The following PNPLA6 variants were observed in gnomAD, a reference collection of about 807,000 sequenced individuals.
The protein encoded by PNPLA6 is patatin-like phospholipase domain-containing protein 6.
A neutral mutation model predicts 153.7 loss-of-function variants in PNPLA6; 105 were observed. The ratio of observed to expected loss-of-function variants is 0.68; its 90% CI spans 0.58 to 0.80. The LOEUF (loss-of-function observed/expected upper bound fraction) is 0.80, where lower values mean the gene tolerates loss of function less well. PNPLA6 is among the 30% of genes least tolerant of loss of function. The pLI is 0.00. For synonymous variants in PNPLA6, 825 were observed against 822.2 expected (o/e 1.00, Z -0.06); for missense variants, 1,423 against 1,919.3 (o/e 0.74, Z 4.83).
intron 27 of PNPLA6, among the ~76,000 whole-genome samples, chr19:7,558,474 A>G (rs111681823): frequency 1.3e-5 from 2 of 152,318 alleles, no homozygotes; most frequent in African/African-American, 4.8e-5. Flanking sequence ...TCTACTAAAA[A>G]TACAAAAATT....
chr19:7,551,288 C>T (rs2023639215), intron 17 of PNPLA6, 74 bp from the exon 18 acceptor site: 2 of 1,459,058 alleles, frequency 1.4e-6, no homozygotes, highest in South Asian at 1.1e-5. Context: ...GGAGCCCCGG[C>T]ATAGGAGGGA....
Position 7,555,881 on chromosome 19 carries a change from C to G in PNPLA6, c.3093+118C>G. The G allele has an allele frequency of 9.3e-7, 1 of 1,078,720 alleles. No individual in the cohort carries two copies. The highest frequency in any genetic ancestry group is 2.5e-5 in the East Asian group (1 of 40,476). 66.8% of individuals were successfully genotyped at this position (1,078,720 alleles called of 1,614,324 possible). ...TCAGGGTGACCCTTCCTGATTAAAT[C>G]TATGATCCCCAGCTGTCCGGACTTT... On this transcript the variant is annotated intron_variant, in intron 24 of 31. Coordinates refer to ENST00000600737, the MANE Select transcript of PNPLA6 (RefSeq NM_001166114.2). The surrounding 1 kb of genome is among the most constrained non-coding windows in gnomAD (Gnocchi z 6.3).
rs2146087993 is a variant in PNPLA6, at chr19:7,550,445, C to T, written c.1946+16C>T. On this transcript the variant is annotated intron_variant, in intron 15 of 31. Coordinates refer to ENST00000600737, the MANE Select transcript of PNPLA6 (RefSeq NM_001166114.2). ...CGCTGTACAGGTGCAGCTCCCACCG[C>T]GCTGCTCAGGCCCGGCCTAGGGGTG... is the stretch of plus-strand genomic sequence containing the variant. 4 of 1,611,720 alleles carry T rather than the reference C, an allele frequency of 2.5e-6. No individual in the cohort carries two copies. Among genetic ancestry groups the T allele is most frequent in the South Asian group, 2.2e-5 (2 of 91,052 alleles).
chr19:7,558,596 C>T (rs960479643), intron 27 of PNPLA6, among the ~76,000 whole-genome samples: 8 of 152,202 alleles, frequency 5.3e-5, no homozygotes, highest in Non-Finnish European at 2.9e-5. Flanking sequence ...CGTGCCATTG[C>T]ACTCCAGCCT....
chr19:7,555,711 C>G lies in PNPLA6; in HGVS notation c.3041C>G (p.Ala1014Gly). ...GGCTCTTTCATCGGAGCGTTGTACG[C>G]GGAGGAGCGCAGCGCCAGCCGCACG... ...SIGSFIGALY[A>G]EERSASRTKQ... Residue 1014 changes from alanine to glycine, a missense_variant, in exon 24 of 32, where the codon GCG becomes GGG. Physicochemically the swap from Ala to Gly is moderately conservative, Grantham distance 60. Transcript: ENST00000600737. The surrounding 1 kb of genome is among the most constrained non-coding windows in gnomAD (Gnocchi z 6.3). 1 of 1,613,780 alleles carries G rather than the reference C, an allele frequency of 6.2e-7. No individual in the cohort carries two copies.
In PNPLA6 at chr19:7,540,285, C is replaced by G. The variant is rs1398640691; in HGVS notation, c.691C>G (p.Leu231Val). The G allele has an allele frequency of 6.2e-7, 1 of 1,606,754 alleles. No homozygotes were observed. The highest frequency in any genetic ancestry group is 8.5e-7 in the Non-Finnish European group (1 of 1,179,048). The change falls in exon 5 of 32, where the codon CTG (leucine) becomes GTG (valine). Residue 231 changes from leucine to valine, a missense_variant. Coordinates refer to ENST00000600737, the MANE Select transcript of PNPLA6 (RefSeq NM_001166114.2). The surrounding 1 kb of genome is among the most constrained non-coding windows in gnomAD (Gnocchi z 6.8). ...CATCTACGTGGTGCAGGACGGGCTG[C>G]TGGAGCTCTGTCTGCCAGGGCCTGT... ...ASIYVVQDGLLELCLPGPDGK... is the reference protein window; with the variant it reads ...ASIYVVQDGLVELCLPGPDGK...
rs2023596788 is a variant in PNPLA6, at chr19:7,550,508, C to T, written c.1947-9C>T. On this transcript the variant is annotated splice_polypyrimidine_tract_variant and intron_variant, in intron 15 of 31. Transcript: ENST00000600737. Reference sequence around the variant, plus strand: ...TGGTCAGACCTTGCTGACCTCCACGCCCACTCAGGCAGGGCGACCGCTCCG... The same window carrying T: ...TGGTCAGACCTTGCTGACCTCCACGTCCACTCAGGCAGGGCGACCGCTCCG... 6.2e-7 allele frequency: 1 copy of T among 1,612,884 alleles called. No individual in the cohort carries two copies. Among genetic ancestry groups the T allele is most frequent in the African/African-American group, 1.3e-5 (1 of 74,942 alleles).
At chr19:7,547,095 C>T (rs544066607) in intron 13 of PNPLA6, among the ~76,000 whole-genome samples, 14 of 151,888 alleles carry the variant, frequency 9.2e-5, no homozygotes, top group South Asian at 8.3e-4. Flanking sequence ...AGTAGAAACA[C>T]GGTTTCACCA....
intron 17 of PNPLA6, 39 bp from the exon 18 acceptor site, chr19:7,551,323 C>A (rs1233403527): frequency 1.9e-6 from 3 of 1,592,842 alleles, no homozygotes; most frequent in African/African-American, 1.3e-5. Context: ...ACAGCCGCTT[C>A]CCAGGTCTCA....
rs2023100286 is a variant in PNPLA6, at chr19:7,540,842, G to C, written c.796-81G>C. 7 of 1,597,264 alleles carry C rather than the reference G, an allele frequency of 4.4e-6. No homozygotes were observed. The South Asian group carries it at 5.5e-5, about 13-fold the overall frequency. Reference sequence around the variant, plus strand: ...CTGCCGATGGCCCCTCACGGGACTGGCGCCAGGAAGGATTAGGGGAGTAGC... The same window carrying C: ...CTGCCGATGGCCCCTCACGGGACTGCCGCCAGGAAGGATTAGGGGAGTAGC... On this transcript the variant is annotated intron_variant, in intron 6 of 31. Coordinates refer to ENST00000600737, the MANE Select transcript of PNPLA6 (RefSeq NM_001166114.2). The surrounding 1 kb of genome is among the most constrained non-coding windows in gnomAD (Gnocchi z 6.8).
rs138023728 is a variant in PNPLA6, at chr19:7,550,418, C to G, written c.1935C>G (p.Arg645=). Residue 645 remains arginine (R), a synonymous_variant, in exon 15 of 32, where the codon CGC becomes CGG. Coordinates refer to ENST00000600737, the MANE Select transcript of PNPLA6 (RefSeq NM_001166114.2). ...ACTGGACTGCAGTGGAGGCGGGACGCGCGCTGTACAGGTGCAGCTCCCACC... is the reference window on the plus strand; with the variant it reads ...ACTGGACTGCAGTGGAGGCGGGACGGGCGCTGTACAGGTGCAGCTCCCACC... ...AIDWTAVEAG[R]ALYRQGDRSD... The G allele has an allele frequency of 6.6e-4, 1,068 of 1,611,430 alleles. 2 individuals carry two copies. The highest frequency in any genetic ancestry group is 4.3e-3 in the Middle Eastern group (26 of 6,058).
chr19:7,551,273 AC>A, intron 17 of PNPLA6, 88 bp from the exon 18 acceptor site: 1 of 1,360,280 alleles, frequency 7.4e-7, no homozygotes, highest in Non-Finnish European at 1.0e-6. Flanking sequence ...GGTAACGGGC[AC>A]CCAGGAGCCC....
intron 3 of PNPLA6, among the ~76,000 whole-genome samples, chr19:7,537,889 C>T (rs1469314716): frequency 6.6e-6 from 1 of 152,138 alleles, no homozygotes; most frequent in Non-Finnish European, 1.5e-5. Context: ...ATCCGTCCGC[C>T]TCGGCCTCCT....
chr19:7,546,158 G>A (rs1479095335), intron 13 of PNPLA6, among the ~76,000 whole-genome samples: 2 of 152,106 alleles, frequency 1.3e-5, no homozygotes, highest in East Asian at 1.9e-4. Flanking sequence ...TGGGAGGAAA[G>A]GTCATTCTAG....
chr19:7,556,340 G>C, intron 24 of PNPLA6, 113 bp from the exon 25 acceptor site: 1 of 781,620 alleles, frequency 1.3e-6, no homozygotes, highest in Non-Finnish European at 2.3e-6. Flanking sequence ...GGGATTACCA[G>C]TGTGAGCCGC....
Position 7,557,220 on chromosome 19 carries a change from C to T in PNPLA6, c.3333C>T (p.Pro1111=), listed in dbSNP as rs777073418. Residue 1111 remains proline (P), a synonymous_variant, in exon 27 of 32, where the codon CCC becomes CCT. Coordinates refer to ENST00000600737, the MANE Select transcript of PNPLA6 (RefSeq NM_001166114.2). ...GCATGACGCTGTCGGGCTACCTGCC[C>T]CCGCTGTGCGACCCCAAGGACGGGC... The part of the protein sequence containing the change: ...RASMTLSGYL[P]PLCDPKDGHL... 2 of 1,613,608 alleles carry T rather than the reference C, an allele frequency of 1.2e-6. No individual in the cohort carries two copies. The highest frequency in any genetic ancestry group is 1.7e-6 in the Non-Finnish European group (2 of 1,179,916).
At chr19:7,550,951 A>G in intron 16 of PNPLA6, 43 bp from the exon 17 acceptor site, 1 of 1,400,808 alleles carries the variant, frequency 7.1e-7, no homozygotes, top group Non-Finnish European at 9.8e-7. Context: ...CGGCCTCCTC[A>G]TTCCCCACCC....
In PNPLA6 at chr19:7,540,774, G is replaced by A. The variant is rs1053242830; in HGVS notation, c.795+64G>A. On this transcript the variant is annotated intron_variant, in intron 6 of 31. Coordinates refer to ENST00000600737, the MANE Select transcript of PNPLA6 (RefSeq NM_001166114.2). The surrounding 1 kb of genome is among the most constrained non-coding windows in gnomAD (Gnocchi z 6.8). Reference sequence around the variant, plus strand: ...AAGGTCCCACCCAAGGGACTAGGTTGAAGGAAATCACAGGGTCCCCAATCT... The same window carrying A: ...AAGGTCCCACCCAAGGGACTAGGTTAAAGGAAATCACAGGGTCCCCAATCT... 2.6e-4 allele frequency: 407 copies of A among 1,548,066 alleles called. 3 individuals carry two copies. The highest frequency in any genetic ancestry group is 4.3e-5 in the Non-Finnish European group (48 of 1,119,974).
intron 16 of PNPLA6, 161 bp from the exon 17 acceptor site, chr19:7,550,833 C>A: frequency 1.1e-6 from 1 of 902,816 alleles, no homozygotes; most frequent in Non-Finnish European, 1.7e-6. Context: ...TCCCTGTCCT[C>A]TCCCTCTCCC....
Sources: gnomAD v4.1 joint callset for allele counts (sites outside exome capture counted in the v4.1 genomes callset) on GRCh38, gnomAD v4.1.1 for gene constraint, Gnocchi (gnomAD v3.1) non-coding constraint, MANE v1.5 for transcripts, NCBI Gene and HGNC (gene_info 2026-07-23, HGNC 2026-07-21) for gene names.